The following C8orf34 variants were observed in gnomAD, a reference collection of about 807,000 sequenced individuals.
The protein encoded by C8orf34 is chromosome 8 open reading frame 34, also known as uncharacterized protein C8orf34.
In C8orf34, 65 loss-of-function variants were observed where a neutral mutation model predicts 68.3. The observed-to-expected ratio is 0.95, with a 90% CI of 0.78 to 1.17. The LOEUF (loss-of-function observed/expected upper bound fraction) is 1.17, where lower values mean the gene tolerates loss of function less well. Among genes scored for constraint, C8orf34 ranks in the 50% most tolerant of loss-of-function variants. The probability of loss-of-function intolerance (pLI) is 0.00; values close to 1 mark genes in which losing one functional copy is unlikely to be tolerated. For synonymous variants in C8orf34, 244 were observed against 241.2 expected, an observed-to-expected ratio of 1.01 and a Z score of -0.11; for missense variants, 664 against 655.4, an observed-to-expected ratio of 1.01 and a Z score of -0.14.
chr8:68,539,204 T>C (rs1815608794), intron 7 of C8orf34, among the ~76,000 whole-genome samples: 1 of 152,130 alleles, frequency 6.6e-6, no homozygotes, highest in Non-Finnish European at 1.5e-5. Flanking sequence ...CCACTTCAAA[T>C]GCTTTATAAA....
At chr8:68,532,052 T>A (rs1001800128) in intron 6 of C8orf34, among the ~76,000 whole-genome samples, 4 of 152,154 alleles carry the variant, frequency 2.6e-5, no homozygotes, top group African/African-American at 9.6e-5. Context: ...GGGGACATGC[T>A]TTCCTTCCCT....
chr8:68,658,609 T>C (rs916414937), intron 8 of C8orf34, among the ~76,000 whole-genome samples: 6 of 152,182 alleles, frequency 3.9e-5, no homozygotes, highest in Non-Finnish European at 8.8e-5. Context: ...TCTTCTTTTC[T>C]CGACATATTC....
intron 7 of C8orf34, among the ~76,000 whole-genome samples, chr8:68,573,616 G>A (rs756146267): frequency 2.6e-5 from 4 of 152,154 alleles, no homozygotes; most frequent in Non-Finnish European, 5.9e-5. Flanking sequence ...AGGAAAAAAC[G>A]TGATGGCCTG....
intron 7 of C8orf34, among the ~76,000 whole-genome samples, chr8:68,621,562 T>A (rs902497208): frequency 6.6e-6 from 1 of 152,208 alleles, no homozygotes; most frequent in African/African-American, 2.4e-5. Flanking sequence ...TGTCATAAAT[T>A]TGGCCAAATA....
At chr8:68,755,146 T>G (rs1017242065) in intron 10 of C8orf34, among the ~76,000 whole-genome samples, 2 of 152,218 alleles carry the variant, frequency 1.3e-5, no homozygotes, top group Non-Finnish European at 2.9e-5. Flanking sequence ...GTAAATATTT[T>G]GTACTAAGCA....
chr8:68,370,412 G>A (rs1807508268), intron 1 of C8orf34, among the ~76,000 whole-genome samples: 1 of 152,138 alleles, frequency 6.6e-6, no homozygotes, highest in Non-Finnish European at 1.5e-5. Context: ...GCTGAAAGAA[G>A]AGCCAATCCC....
At chr8:68,426,493 TGA>T (rs1162330445) in intron 1 of C8orf34, among the ~76,000 whole-genome samples, 4 of 121,026 alleles carry the variant, frequency 3.3e-5, no homozygotes, top group African/African-American at 1.3e-4. Flanking sequence ...CACTCCAGTC[TGA>T]GTGACAGAAT....
chr8:68,380,543 G>A (rs969503418), intron 1 of C8orf34, among the ~76,000 whole-genome samples: 4 of 152,212 alleles, frequency 2.6e-5, no homozygotes, highest in African/African-American at 9.6e-5. Context: ...CTCCATGGCT[G>A]TCAAGCCAGC....
intron 3 of C8orf34, among the ~76,000 whole-genome samples, chr8:68,463,845 G>T (rs1171789446): frequency 2.0e-5 from 3 of 152,116 alleles, no homozygotes; most frequent in Non-Finnish European, 4.4e-5. Flanking sequence ...ATACTGAATG[G>T]GCAAAAACTG....
intron 12 of C8orf34, among the ~76,000 whole-genome samples, chr8:68,811,034 T>C (rs1824634808): frequency 6.6e-6 from 1 of 152,170 alleles, no homozygotes; most frequent in African/African-American, 2.4e-5. Flanking sequence ...CCTGTCTACC[T>C]CCTGCCGCCA....
intron 10 of C8orf34, among the ~76,000 whole-genome samples, chr8:68,730,293 A>G (rs1326063919): frequency 6.6e-6 from 1 of 152,124 alleles, no homozygotes; most frequent in African/African-American, 2.4e-5. Flanking sequence ...TGACTAGTAC[A>G]TATTTTGCTC....
At chr8:68,355,240 A>G (rs1213400874) in intron 1 of C8orf34, among the ~76,000 whole-genome samples, 1 of 152,122 alleles carries the variant, frequency 6.6e-6, no homozygotes, top group Admixed American at 6.6e-5. Context: ...CCCCTGCCCC[A>G]CCACCAAACA....
At chr8:68,360,877 C>T (rs814455) in intron 1 of C8orf34, among the ~76,000 whole-genome samples, 18,672 of 151,226 alleles carry the variant, frequency 0.12, 1,309 homozygotes, top group African/African-American at 0.18. Flanking sequence ...CTTAGCCTCC[C>T]GAGTAGCTGG....
At position 68,596,495 on chromosome 8, in the gene C8orf34, G is replaced by A. The variant is rs535762914; in HGVS notation, c.1106-43881G>A. Among the ~76,000 whole-genome samples the A allele has an allele frequency of 1.2e-4, 18 of 152,180 alleles. No individual in the cohort carries two copies. In the South Asian group the frequency reaches 3.5e-3, roughly 30 times the overall value. ...ATAAGATAGTCTGCTACAATGTTGT[G>A]TGTTCTCGCAGAACACATGAGACTC... On this transcript the variant is annotated intron_variant, in intron 7 of 13. Transcript: ENST00000518698.
chr8:68,707,646 G>A (rs1202673732), intron 8 of C8orf34, among the ~76,000 whole-genome samples: 1 of 152,030 alleles, frequency 6.6e-6, no homozygotes, highest in African/African-American at 2.4e-5. Context: ...CGTGATCATG[G>A]CTCACTGCAG....
At chr8:68,771,828 G>A (rs879681084) in intron 10 of C8orf34, among the ~76,000 whole-genome samples, 1 of 151,914 alleles carries the variant, frequency 6.6e-6, no homozygotes, top group East Asian at 1.9e-4. Context: ...TTTTCCCATA[G>A]CATCTTGATC....
At chr8:68,615,442 T>C (rs62523181) in intron 7 of C8orf34, among the ~76,000 whole-genome samples, 2,737 of 152,226 alleles carry the variant, frequency 0.018, 48 homozygotes, top group Admixed American at 0.037. Context: ...TAGATAGTTC[T>C]TGTTATTTTG....
rs149357247 is a variant in C8orf34, at chr8:68,559,347, C to T, written c.1105+26198C>T. ...TAATTTTCAGCTTTGGGATAAGAAA[C>T]GACTTTATATTAGTATAGTTTTTAA... On this transcript the variant is annotated intron_variant, in intron 7 of 13. Transcript: ENST00000518698. Among the ~76,000 whole-genome samples, 643 of 152,216 alleles carry T rather than the reference C, an allele frequency of 4.2e-3. 7 individuals carry two copies. Among genetic ancestry groups the T allele is most frequent in the African/African-American group, 0.014 (573 of 41,536 alleles).
chr8:68,766,055 A>T (rs1398022723), intron 10 of C8orf34, among the ~76,000 whole-genome samples: 11 of 152,336 alleles, frequency 7.2e-5, no homozygotes, highest in African/African-American at 2.6e-4. Flanking sequence ...AGAAACAAAC[A>T]CGTAATTACT....
Sources: allele counts gnomAD v4.1 joint callset (sites outside exome capture counted in the v4.1 genomes callset), GRCh38; gene constraint gnomAD v4.1.1; transcripts MANE v1.5; gene names NCBI Gene and HGNC (gene_info 2026-07-23, HGNC 2026-07-21).